Variants in LDLRAD4 observed in about 807,000 individuals in gnomAD.
LDLRAD4 encodes low-density lipoprotein receptor class A domain-containing protein 4.
Under a neutral mutation model 17.0 loss-of-function variants are expected in LDLRAD4, and 5 were observed. That is an observed-to-expected ratio of 0.29 (90% CI 0.15 to 0.62). The LOEUF is 0.62. Among genes scored for constraint, LDLRAD4 ranks in the 20% least tolerant of loss-of-function variants. LDLRAD4 has a pLI of 0.84. For missense variants in LDLRAD4, 340 were observed against 424.7 expected (o/e 0.80, Z 1.75); for synonymous variants, 168 against 171.8 (o/e 0.98, Z 0.17).
At chr18:13,298,450 A>T (rs190649223) in intron 1 of LDLRAD4, among the ~76,000 whole-genome samples, 6 of 75,364 alleles carry the variant, frequency 8.0e-5, no homozygotes, top group South Asian at 5.1e-4. Flanking sequence ...CGGGCACGGC[A>T]ATTTTGCTGC....
chr18:13,549,954 A>G (rs906860004), intron 3 of LDLRAD4, among the ~76,000 whole-genome samples: 4 of 152,202 alleles, frequency 2.6e-5, no homozygotes, highest in South Asian at 2.1e-4. Context: ...TTTCTTCTGT[A>G]TAATGGAGAT....
intron 3 of LDLRAD4, among the ~76,000 whole-genome samples, chr18:13,482,476 A>T (rs2093116372): frequency 6.6e-6 from 1 of 152,246 alleles, no homozygotes; most frequent in Non-Finnish European, 1.5e-5. Context: ...GCAATGAGAC[A>T]GGGTGATTTA....
chr18:13,545,862 G>A (rs1022317284), intron 3 of LDLRAD4, among the ~76,000 whole-genome samples: 2 of 152,186 alleles, frequency 1.3e-5, no homozygotes, highest in Non-Finnish European at 2.9e-5. Flanking sequence ...ATGGAGGCTG[G>A]GAAGGACCCA....
intron 1 of LDLRAD4, among the ~76,000 whole-genome samples, chr18:13,383,188 AG>A (rs1404694054): frequency 6.6e-6 from 1 of 152,214 alleles, no homozygotes; most frequent in Non-Finnish European, 1.5e-5. Flanking sequence ...CGCTGTGTAT[AG>A]TACTCAGGGA....
chr18:13,484,377 C>T (rs1382419387), intron 3 of LDLRAD4, among the ~76,000 whole-genome samples: 2 of 152,160 alleles, frequency 1.3e-5, no homozygotes, highest in South Asian at 2.1e-4. Context: ...CTGAGGCAGA[C>T]GGGTCACTTA....
chr18:13,296,596 A>G (rs2146498537), intron 1 of LDLRAD4, among the ~76,000 whole-genome samples: 1 of 150,612 alleles, frequency 6.6e-6, no homozygotes, highest in Admixed American at 6.6e-5. Context: ...TTTTTTTTAA[A>G]GAACTCTTAG....
At chr18:13,397,547 A>G (rs1301287507) in intron 2 of LDLRAD4, among the ~76,000 whole-genome samples, 1 of 152,218 alleles carries the variant, frequency 6.6e-6, no homozygotes, top group African/African-American at 2.4e-5. Context: ...GATTGCAGGC[A>G]TGAGCCACTG....
At chr18:13,456,444 C>T (rs555615049) in intron 3 of LDLRAD4, among the ~76,000 whole-genome samples, 11 of 152,344 alleles carry the variant, frequency 7.2e-5, no homozygotes, top group South Asian at 2.1e-4. Flanking sequence ...GCCCTCTCCA[C>T]GCCTCAGTGG....
intron 1 of LDLRAD4, among the ~76,000 whole-genome samples, chr18:13,278,611 A>C (rs1482084258): frequency 6.6e-6 from 1 of 152,214 alleles, no homozygotes; most frequent in Non-Finnish European, 1.5e-5. Context: ...GAAGTGAAGA[A>C]ATACATGAGA....
Position 13,643,350 on chromosome 18 carries a change from CT to C in LDLRAD4, c.337-8del. The C allele has an allele frequency of 6.8e-7, 1 of 1,470,026 alleles. No homozygotes were observed. The highest frequency in any genetic ancestry group is 9.1e-7 in the Non-Finnish European group (1 of 1,104,814). 91.1% of individuals were successfully genotyped at this position (1,470,026 alleles called of 1,614,324 possible). A position where few individuals can be genotyped will look rare whatever the true frequency, so the allele number is the denominator to read the frequency against. ...TTCCCCCCACTCTCCTCCCCTTCCC[CT>C]CCGCCAGGAAGGGTGCCTGTGGCCT... On this transcript the variant is annotated splice_polypyrimidine_tract_variant and splice_region_variant and intron_variant, in intron 4 of 5. Transcript: ENST00000359446.
intron 1 of LDLRAD4, among the ~76,000 whole-genome samples, chr18:13,376,035 T>A (rs2084882761): frequency 6.6e-6 from 1 of 152,108 alleles, no homozygotes; most frequent in African/African-American, 2.4e-5. Flanking sequence ...AGGAGTGAAA[T>A]CAAGTCCTCG....
chr18:13,601,795 C>G (rs750438766), intron 3 of LDLRAD4, among the ~76,000 whole-genome samples: 1 of 152,200 alleles, frequency 6.6e-6, no homozygotes, highest in Non-Finnish European at 1.5e-5. Context: ...TTCCACCCAG[C>G]AATCCCACTA....
At position 13,503,675 on chromosome 18, in the gene LDLRAD4, G is replaced by A. The variant is rs60853682; in HGVS notation, c.181+65291G>A. On this transcript the variant is annotated intron_variant, in intron 3 of 5. Coordinates refer to ENST00000359446, the Ensembl canonical transcript of LDLRAD4. Reference sequence around the variant, plus strand: ...AAGCAGGCAGCCCAGGCATGTGTGCGTGGATGTGGAGCCCCTTTCTGAAGT... The same window carrying A: ...AAGCAGGCAGCCCAGGCATGTGTGCATGGATGTGGAGCCCCTTTCTGAAGT... Among the ~76,000 whole-genome samples the A allele has an allele frequency of 7.7e-3, 1,172 of 152,148 alleles. 20 individuals are homozygous for A. The highest frequency in any genetic ancestry group is 0.026 in the African/African-American group (1,099 of 41,494).
At chr18:13,601,506 C>T (rs2095161032) in intron 3 of LDLRAD4, among the ~76,000 whole-genome samples, 1 of 151,956 alleles carries the variant, frequency 6.6e-6, no homozygotes, top group Non-Finnish European at 1.5e-5. Context: ...AAAGGGAACA[C>T]TTCCGGGCAT....
chr18:13,371,126 C>T (rs1425620628), intron 1 of LDLRAD4, among the ~76,000 whole-genome samples: 5 of 152,190 alleles, frequency 3.3e-5, no homozygotes, highest in South Asian at 2.1e-4. Context: ...GTGGGCAATG[C>T]GCCCACCAAT....
At chr18:13,236,483 A>G (rs185025486) in intron 1 of LDLRAD4, 3 of 152,010 alleles carry the variant, frequency 2.0e-5, no homozygotes, top group East Asian at 1.9e-4. Flanking sequence ...CTAAGTTTCT[A>G]TTTTTAGCAG....
rs563636488 is a variant in LDLRAD4, at chr18:13,388,729, C to T, written c.40+967C>T. Reference sequence around the variant, plus strand: ...GCTCCTAGACAGCCTTGCACTCCTCCGCAGTCGCCGTGGCTTCGGCGTGAA... The same window carrying T: ...GCTCCTAGACAGCCTTGCACTCCTCTGCAGTCGCCGTGGCTTCGGCGTGAA... On this transcript the variant is annotated intron_variant, in intron 2 of 5. Transcript: ENST00000359446. 2.5e-3 allele frequency among the ~76,000 whole-genome samples: 380 copies of T among 152,338 alleles called. 2 individuals carry two copies. Among genetic ancestry groups the T allele is most frequent in the African/African-American group, 8.3e-3 (347 of 41,578 alleles).
At chr18:13,402,422 G>C (rs1006202767) in intron 2 of LDLRAD4, among the ~76,000 whole-genome samples, 3 of 152,100 alleles carry the variant, frequency 2.0e-5, no homozygotes, top group Non-Finnish European at 4.4e-5. Flanking sequence ...CCAATAACTT[G>C]AACAATTTTT....
intron 3 of LDLRAD4, among the ~76,000 whole-genome samples, chr18:13,584,892 G>A (rs1178416114): frequency 7.2e-5 from 11 of 152,196 alleles, no homozygotes; most frequent in African/African-American, 1.2e-4. Context: ...TCCAGGCTTC[G>A]TGCTGGGCCT....
Sources: allele counts gnomAD v4.1 joint callset (sites outside exome capture counted in the v4.1 genomes callset), GRCh38; gene constraint gnomAD v4.1.1; transcripts MANE v1.5; gene names NCBI Gene and HGNC (gene_info 2026-07-23, HGNC 2026-07-21).